The following CAMKK2 variants were observed in gnomAD, a reference collection of about 807,000 sequenced individuals.
CAMKK2 encodes calcium/calmodulin-dependent protein kinase kinase 2.
Under a neutral mutation model 67.2 loss-of-function variants are expected in CAMKK2, and 30 were observed. The observed-to-expected ratio is 0.45, with a 90% CI of 0.33 to 0.61. The LOEUF is 0.61. Ranked by LOEUF, CAMKK2 falls within the 20% of genes least tolerant of loss-of-function variation. CAMKK2 has a pLI of 0.02. For missense variants in CAMKK2, 643 were observed against 802.0 expected (o/e 0.80, Z 2.39); for synonymous variants, 322 against 326.2 (o/e 0.99, Z 0.14).
chr12:121,295,818 G>C (rs994018051), intron 1 of CAMKK2, among the ~76,000 whole-genome samples: 5 of 152,198 alleles, frequency 3.3e-5, no homozygotes, highest in African/African-American at 1.2e-4. Flanking sequence ...GTGGCCAGGA[G>C]GGCAGGCTGG....
chr12:121,282,807 T>G (rs1252932196), intron 1 of CAMKK2, among the ~76,000 whole-genome samples: 4 of 151,990 alleles, frequency 2.6e-5, no homozygotes, highest in African/African-American at 9.7e-5. Context: ...CGGGCTGGAG[T>G]GCAATGGCGC....
intron 5 of CAMKK2, among the ~76,000 whole-genome samples, chr12:121,265,410 T>C (rs1422801889): frequency 1.3e-5 from 2 of 152,108 alleles, no homozygotes; most frequent in Non-Finnish European, 2.9e-5. Context: ...AGCGTTCCAC[T>C]GCCTGCTGGG....
intron 7 of CAMKK2, among the ~76,000 whole-genome samples, chr12:121,258,312 C>T (rs1892757458): frequency 6.6e-6 from 1 of 152,152 alleles, no homozygotes; most frequent in South Asian, 2.1e-4. Context: ...GCATGAGCCA[C>T]CACACCCAGC....
intron 16 of CAMKK2, chr12:121,244,072 G>A: frequency 6.2e-7 from 1 of 1,607,244 alleles, no homozygotes; most frequent in Admixed American, 1.7e-5. Context: ...CATCCACTCG[G>A]GTGAGGGAAC....
At chr12:121,266,524 T>C (rs1894567627) in intron 5 of CAMKK2, among the ~76,000 whole-genome samples, 1 of 141,628 alleles carries the variant, frequency 7.1e-6, no homozygotes, top group Admixed American at 7.2e-5. Flanking sequence ...TGAGATGGAG[T>C]CTCGCTCTGT....
Position 121,253,114 on chromosome 12 carries a change from T to C in CAMKK2, c.1107+159A>G, listed in dbSNP as rs994164853. The stretch of plus-strand genomic sequence containing the variant: ...GAAAGATGGCGGGAGATGGTTTCTG[T>C]TTGAGTCCCTGGATCTAGCCAAGCC... On this transcript the variant is annotated intron_variant, in intron 10 of 16. Coordinates refer to ENST00000404169, the MANE Select transcript of CAMKK2 (RefSeq NM_001270485.2). This position sits in a 1 kb window ranked among gnomAD's most constrained non-coding sequence, Gnocchi z 5.0. 6.1e-6 allele frequency: 4 copies of C among 653,178 alleles called. No individual in the cohort carries two copies. The highest frequency in any genetic ancestry group is 5.5e-5 in the East Asian group (2 of 36,578). The allele number at this position is 653,178 out of a possible 1,614,324, so 40.5% of individuals were successfully genotyped here.
chr12:121,286,347 G>A (rs1898733370), intron 1 of CAMKK2, among the ~76,000 whole-genome samples: 1 of 152,222 alleles, frequency 6.6e-6, no homozygotes, highest in Non-Finnish European at 1.5e-5. Context: ...CATCAAGGAT[G>A]GGGCAGGGAA....
In CAMKK2 at chr12:121,253,993, T is replaced by C. The variant is rs1010051981; in HGVS notation, c.908-521A>G. Among the ~76,000 whole-genome samples, 1 of 152,216 alleles carries C rather than the reference T, an allele frequency of 6.6e-6. No individual in the cohort carries two copies. The highest frequency in any genetic ancestry group is 2.1e-4 in the South Asian group (1 of 4,828). Reference sequence around the variant, plus strand: ...CAGCCCATGGTACAGGACAGTTCTATGGCCTGGAAGACCCAACTGCCATTT... The same window carrying C: ...CAGCCCATGGTACAGGACAGTTCTACGGCCTGGAAGACCCAACTGCCATTT... On this transcript the variant is annotated intron_variant, in intron 9 of 16. Coordinates refer to ENST00000404169, the MANE Select transcript of CAMKK2 (RefSeq NM_001270485.2). This position sits in a 1 kb window ranked among gnomAD's most constrained non-coding sequence, Gnocchi z 5.0.
intron 1 of CAMKK2, among the ~76,000 whole-genome samples, chr12:121,288,233 A>G (rs1224027990): frequency 6.6e-6 from 1 of 152,186 alleles, no homozygotes; most frequent in Non-Finnish European, 1.5e-5. Context: ...CAAGAAAAAG[A>G]CTTCTACCCA....
chr12:121,248,502 G>T, intron 14 of CAMKK2, 104 bp downstream of exon 14: 1 of 1,376,612 alleles, frequency 7.3e-7, no homozygotes, highest in Non-Finnish European at 1.0e-6. Flanking sequence ...GGTGGCCCCC[G>T]GACATCTGAC....
chr12:121,282,114 G>A lies in CAMKK2; in HGVS notation c.-59-7529C>T, dbSNP rs550263617. ...TCTATTAGGCTGAGACCTACAGGGT[G>A]AGTAGATACTAAAGGAGCAGGAACT... is the stretch of plus-strand genomic sequence containing the variant. On this transcript the variant is annotated intron_variant, in intron 1 of 16. Transcript: ENST00000404169. 1.5e-4 allele frequency among the ~76,000 whole-genome samples: 23 copies of A among 152,270 alleles called. No individual in the cohort carries two copies. In the East Asian group the frequency reaches 4.2e-3, roughly 28 times the overall value.
chr12:121,271,273 C>CAAA (rs11332649), intron 2 of CAMKK2, among the ~76,000 whole-genome samples: 1 of 112,964 alleles, frequency 8.9e-6, no homozygotes. Flanking sequence ...AACTGTGTCT[C>CAAA]AAAAAAAAAA....
chr12:121,282,057 G>A lies in CAMKK2; in HGVS notation c.-59-7472C>T, dbSNP rs111373848. ...GACCACTTTAGATTTGAAGGGAGGCGGTGGGTGAAAGAAGGCCCCTCTTGG... is the reference window on the plus strand; with the variant it reads ...GACCACTTTAGATTTGAAGGGAGGCAGTGGGTGAAAGAAGGCCCCTCTTGG... On this transcript the variant is annotated intron_variant, in intron 1 of 16. Coordinates refer to ENST00000404169, the MANE Select transcript of CAMKK2 (RefSeq NM_001270485.2). Among the ~76,000 whole-genome samples, 422 of 152,298 alleles carry A rather than the reference G, an allele frequency of 2.8e-3. 2 individuals carry two copies. Among genetic ancestry groups the A allele is most frequent in the African/African-American group, 9.3e-3 (387 of 41,562 alleles).
In CAMKK2 at chr12:121,285,101, T is replaced by C. The variant is rs112558505; in HGVS notation, c.-59-10516A>G. 0.025 allele frequency among the ~76,000 whole-genome samples: 3,866 copies of C among 152,320 alleles called. 67 individuals are homozygous for C. The highest frequency in any genetic ancestry group is 0.095 in the Middle Eastern group (28 of 294). On this transcript the variant is annotated intron_variant, in intron 1 of 16. Transcript: ENST00000404169. This position sits in a 1 kb window ranked among gnomAD's most constrained non-coding sequence, Gnocchi z 4.1. The stretch of plus-strand genomic sequence containing the variant: ...ATGTCTGGGAAGCCATCCCTCCATA[T>C]GAGAGGTGGCCCTACAGGGCTGACC...
Position 121,253,190 on chromosome 12 carries a change from G to A in CAMKK2, c.1107+83C>T, listed in dbSNP as rs984736357. On this transcript the variant is annotated intron_variant, in intron 10 of 16. Coordinates refer to ENST00000404169, the MANE Select transcript of CAMKK2 (RefSeq NM_001270485.2). This position sits in a 1 kb window ranked among gnomAD's most constrained non-coding sequence, Gnocchi z 5.0. ...TCCAGGGGATTCACTGTTTAAGCCTGTGTGCGTTGGGTTTCTGCTGCTTAC... is the reference window on the plus strand; with the variant it reads ...TCCAGGGGATTCACTGTTTAAGCCTATGTGCGTTGGGTTTCTGCTGCTTAC... 4.7e-5 allele frequency: 57 copies of A among 1,206,510 alleles called. No homozygotes were observed. In the African/African-American group the frequency reaches 5.1e-4, roughly 11 times the overall value. The allele number at this position is 1,206,510 out of a possible 1,614,324, so 74.7% of individuals were successfully genotyped here.
At chr12:121,268,577 G>A in intron 5 of CAMKK2, 61 bp downstream of exon 5, 1 of 1,480,578 alleles carries the variant, frequency 6.8e-7, no homozygotes, top group Middle Eastern at 1.8e-4. Flanking sequence ...TCCCATTCAG[G>A]GGGCTCTGCC....
At chr12:121,255,291 TA>T (rs1891844815) in intron 9 of CAMKK2, among the ~76,000 whole-genome samples, 7 of 9,816 alleles carry the variant, frequency 7.1e-4, no homozygotes, top group African/African-American at 3.3e-3. Context: ...TATATATAAT[TA>T]TATATATAAT....
rs568826615 is a variant in CAMKK2 at position 121,239,804 on chromosome 12, C to T, written c.*895G>A. The T allele has an allele frequency of 6.6e-6, 1 of 152,492 alleles. No individual in the cohort carries two copies. Among genetic ancestry groups the T allele is most frequent in the Non-Finnish European group, 1.5e-5 (1 of 68,170 alleles). 9.4% of individuals were successfully genotyped at this position (152,492 alleles called of 1,614,324 possible). A position where few individuals can be genotyped will look rare whatever the true frequency, so the allele number is the denominator to read the frequency against. On this transcript the variant is annotated 3_prime_UTR_variant, in exon 17 of 17. Transcript: ENST00000404169. ...GAAGCTCTAAATAGTTTCTGAACTA[C>T]TGTGCTCTAGAGTTCACTCTAGTTA...
Position 121,255,607 on chromosome 12 carries a change from G to A in CAMKK2, c.850C>T (p.Leu284Phe). Reference protein sequence around the residue: ...PVMEVPTLKPLSEDQARFYFQ... With the variant: ...PVMEVPTLKPFSEDQARFYFQ... ...TAGAAACGGGCCTGGTCTTCAGAGA[G>A]TGGTTTGAGGGTGGGCACTTCCATC... The change falls in exon 9 of 17, where the codon CTC becomes TTC. Residue 284 changes from leucine (L) to phenylalanine (F), a missense_variant. Transcript: ENST00000404169. 1 of 1,613,112 alleles carries A rather than the reference G, an allele frequency of 6.2e-7. No individual in the cohort carries two copies. The highest frequency in any genetic ancestry group is 8.5e-7 in the Non-Finnish European group (1 of 1,179,810).
Sources: allele counts gnomAD v4.1 joint callset (sites outside exome capture counted in the v4.1 genomes callset), GRCh38; gene constraint gnomAD v4.1.1; non-coding constraint Gnocchi (gnomAD v3.1); transcripts MANE v1.5; gene names NCBI Gene and HGNC (gene_info 2026-07-23, HGNC 2026-07-21).